Variants in ZRANB3 observed in about 807,000 individuals in gnomAD.
ZRANB3 encodes the protein DNA annealing helicase and endonuclease ZRANB3.
ZRANB3 carries 125 observed loss-of-function variants against 133.8 expected under a neutral mutation model. That is an observed-to-expected ratio of 0.93 (90% CI 0.81 to 1.08). ZRANB3 has a LOEUF of 1.08. ZRANB3 is among the 50% of genes least tolerant of loss of function. The pLI, the probability that ZRANB3 is intolerant of heterozygous loss-of-function variation, is 0.00. For missense variants in ZRANB3, 1,229 were observed against 1,275.5 expected (o/e 0.96, Z 0.56); for synonymous variants, 387 against 432.7 (o/e 0.89, Z 1.31).
chr2:135,500,984 T>A (rs2104818691), intron 2 of ZRANB3, among the ~76,000 whole-genome samples: 1 of 152,066 alleles, frequency 6.6e-6, no homozygotes, highest in South Asian at 2.1e-4. Context: ...AGAAGCAATA[T>A]TTGAAGAGGG....
At chr2:135,278,053 A>G (rs563389651) in intron 8 of ZRANB3, among the ~76,000 whole-genome samples, 2 of 152,290 alleles carry the variant, frequency 1.3e-5, no homozygotes, top group South Asian at 4.1e-4. Flanking sequence ...AAACTAACAA[A>G]AATCATCAAA....
intron 5 of ZRANB3, among the ~76,000 whole-genome samples, chr2:135,349,438 C>T (rs1285732110): frequency 6.6e-6 from 1 of 152,210 alleles, no homozygotes; most frequent in Non-Finnish European, 1.5e-5. Context: ...CCACGTACTA[C>T]CCATCTCTTA....
rs142108850 is a variant in ZRANB3 at position 135,353,014 on chromosome 2, C to G, written c.359+436G>C. On this transcript the variant is annotated intron_variant, in intron 4 of 20. Coordinates refer to ENST00000264159, the MANE Select transcript of ZRANB3 (RefSeq NM_032143.4). ...AAAATTATAAATAAGGAAAATCAAA[C>G]TTACTAATGAGTCACACACAAAACT... 3.0e-3 allele frequency among the ~76,000 whole-genome samples: 453 copies of G among 152,146 alleles called. 3 individuals are homozygous for G. Among genetic ancestry groups the G allele is most frequent in the African/African-American group, 0.01 (422 of 41,554 alleles).
intron 1 of ZRANB3, among the ~76,000 whole-genome samples, chr2:135,520,337 G>C (rs1394834420): frequency 6.6e-6 from 1 of 151,922 alleles, no homozygotes; most frequent in Non-Finnish European, 1.5e-5. Flanking sequence ...GGAGGTTACA[G>C]TGAGCCAAGT....
At chr2:135,291,938 G>T (rs912153979) in intron 8 of ZRANB3, among the ~76,000 whole-genome samples, 223 of 151,998 alleles carry the variant, frequency 1.5e-3, no homozygotes, top group African/African-American at 3.8e-3. Flanking sequence ...TCATTTTTTA[G>T]GGCTGCATAG....
chr2:135,396,465 G>A (rs1687489725), intron 2 of ZRANB3, among the ~76,000 whole-genome samples: 1 of 152,220 alleles, frequency 6.6e-6, no homozygotes, highest in African/African-American at 2.4e-5. Flanking sequence ...TATACACAAT[G>A]GAGTACTATT....
chr2:135,251,514 A>G (rs973507270), intron 12 of ZRANB3, among the ~76,000 whole-genome samples: 1 of 152,160 alleles, frequency 6.6e-6, no homozygotes, highest in African/African-American at 2.4e-5. Flanking sequence ...CAGAATTCCC[A>G]TGTGTTGTGG....
intron 8 of ZRANB3, among the ~76,000 whole-genome samples, chr2:135,297,382 C>T (rs749897427): frequency 1.1e-4 from 17 of 152,150 alleles, no homozygotes; most frequent in South Asian, 2.1e-4. Flanking sequence ...GAGACAGGTG[C>T]GGGATATAAT....
At chr2:135,326,543 G>C (rs752193647) in intron 6 of ZRANB3, among the ~76,000 whole-genome samples, 2 of 152,052 alleles carry the variant, frequency 1.3e-5, no homozygotes, top group African/African-American at 2.4e-5. Flanking sequence ...GTAAACGTGT[G>C]CCATGGTGGT....
chr2:135,496,384 TAAAAAAAAAAA>T (rs56770947), intron 2 of ZRANB3, among the ~76,000 whole-genome samples: 5 of 33,326 alleles, frequency 1.5e-4, no homozygotes, highest in Admixed American at 7.6e-4. Context: ...AACTCCATCT[TAAAAAAAAAAA>T]AAAAAAAAAA....
At chr2:135,320,647 G>A (rs1475568452) in intron 6 of ZRANB3, among the ~76,000 whole-genome samples, 2 of 152,080 alleles carry the variant, frequency 1.3e-5, no homozygotes, top group African/African-American at 4.8e-5. Context: ...ATTAGCTTAT[G>A]ATGATGAAAC....
At chr2:135,413,800 T>C (rs895012375) in intron 2 of ZRANB3, among the ~76,000 whole-genome samples, 1 of 152,032 alleles carries the variant, frequency 6.6e-6, no homozygotes, top group Non-Finnish European at 1.5e-5. Flanking sequence ...GGGGCCAATA[T>C]TCAACATTCT....
intron 6 of ZRANB3, among the ~76,000 whole-genome samples, chr2:135,324,274 T>C (rs1683688258): frequency 6.8e-6 from 1 of 147,598 alleles, no homozygotes; most frequent in Non-Finnish European, 1.5e-5. Flanking sequence ...ATGTCCCCTT[T>C]CCTGTGTCCA....
chr2:135,284,460 CTTGTTTGTT>C (rs1321104537), intron 8 of ZRANB3, among the ~76,000 whole-genome samples: 1 of 152,118 alleles, frequency 6.6e-6, no homozygotes, highest in African/African-American at 2.4e-5. Flanking sequence ...GTTACCTTTC[CTTGTTTGTT>C]TTGTTTGTTT....
intron 12 of ZRANB3, among the ~76,000 whole-genome samples, chr2:135,240,059 C>T (rs190630145): frequency 8.6e-5 from 13 of 151,832 alleles, no homozygotes; most frequent in African/African-American, 3.1e-4. Context: ...AAAAAGGTAA[C>T]AGGCTGAGTA....
rs1309196948 is a variant in ZRANB3, at chr2:135,198,970, G to C, written c.*1372C>G. The C allele has an allele frequency of 4.6e-5, 7 of 152,186 alleles. No individual in the cohort carries two copies. Among genetic ancestry groups the C allele is most frequent in the African/African-American group, 1.7e-4 (7 of 41,458 alleles). 9.4% of individuals were successfully genotyped at this position (152,186 alleles called of 1,614,324 possible). ...TATGTCCTAATAGTATTTACAAACA[G>C]CTCCCTTTTGGGAATGTAATTCTTC... On this transcript the variant is annotated 3_prime_UTR_variant, in exon 21 of 21. Coordinates refer to ENST00000264159, the MANE Select transcript of ZRANB3 (RefSeq NM_032143.4).
At chr2:135,480,952 T>G (rs1219089094) in intron 2 of ZRANB3, among the ~76,000 whole-genome samples, 2 of 149,122 alleles carry the variant, frequency 1.3e-5, no homozygotes, top group South Asian at 4.3e-4. Context: ...ACTCATCATT[T>G]TTTATGGCTG....
chr2:135,269,825 T>TA (rs1276894337), intron 10 of ZRANB3, among the ~76,000 whole-genome samples: 1 of 152,194 alleles, frequency 6.6e-6, no homozygotes, highest in East Asian at 1.9e-4. Context: ...TTAATGTTGG[T>TA]AGGCTGAATG....
chr2:135,469,371 T>C (rs958740811), intron 2 of ZRANB3, among the ~76,000 whole-genome samples: 2 of 152,144 alleles, frequency 1.3e-5, no homozygotes, highest in Non-Finnish European at 2.9e-5. Flanking sequence ...AAAATAACAT[T>C]AATTATTTGA....
Sources: allele counts gnomAD v4.1 joint callset (sites outside exome capture counted in the v4.1 genomes callset), GRCh38; gene constraint gnomAD v4.1.1; transcripts MANE v1.5; gene names NCBI Gene and HGNC (gene_info 2026-07-23, HGNC 2026-07-21).